The following CCR3 variants were observed in gnomAD, a reference collection of about 807,000 sequenced individuals.
CCR3 encodes the protein C-C chemokine receptor type 3.
For missense variants in CCR3, 419 were observed against 437.5 expected (o/e 0.96, Z 0.38); for synonymous variants, 203 against 179.2 (o/e 1.13, Z -1.06).
At chr3:46,240,128 A>G (rs1700064825), upstream of CCR3, among the ~76,000 whole-genome samples, 1 of 152,192 alleles carries the variant, frequency 6.6e-6, no homozygotes, top group South Asian at 2.1e-4. Flanking sequence ...AAAACTCCCC[A>G]GATAAAGTGA....
rs559750027 is a variant in CCR3 at position 46,248,454 on chromosome 3, A to G, written c.-12+5916A>G. 5.0e-4 allele frequency among the ~76,000 whole-genome samples: 76 copies of G among 152,338 alleles called. 1 individual carries two copies. The Middle Eastern group carries it at 0.017, about 34-fold the overall frequency. ...ATCAAGTTGTTTGGACAGAAAGGCT[A>G]CAGGGTGCAGTCCTGGCTCTTGTGT... On this transcript the variant is annotated intron_variant, in intron 1 of 1. Coordinates refer to ENST00000395940, the MANE Select transcript of CCR3 (RefSeq NM_178329.3).
At chr3:46,257,771 A>G (rs1473463628) in intron 1 of CCR3, among the ~76,000 whole-genome samples, 1 of 152,166 alleles carries the variant, frequency 6.6e-6, no homozygotes, top group Non-Finnish European at 1.5e-5. Context: ...GGCGGCTAAG[A>G]AGTCCCACAA....
At chr3:46,244,999 C>A (rs1700163999) in intron 1 of CCR3, among the ~76,000 whole-genome samples, 1 of 152,058 alleles carries the variant, frequency 6.6e-6, no homozygotes, top group Admixed American at 6.5e-5. Context: ...TCTTCATGAC[C>A]AACTCCTTCA....
chr3:46,214,624 T>A (rs758271424), intron 2 of CCR3, among the ~76,000 whole-genome samples: 28 of 152,226 alleles, frequency 1.8e-4, no homozygotes, highest in Admixed American at 3.9e-4. Context: ...GCCTTTTCTT[T>A]TTGCCAATTT....
chr3:46,228,645 T>C (rs1362250110), intron 2 of CCR3, among the ~76,000 whole-genome samples: 1 of 152,268 alleles, frequency 6.6e-6, no homozygotes, highest in Non-Finnish European at 1.5e-5. Context: ...TGGTTTGTTC[T>C]GCCCAATGTT....
In CCR3 at chr3:46,266,644, A is replaced by C. The variant is rs1225891689; in HGVS notation, c.*418A>C. On this transcript the variant is annotated 3_prime_UTR_variant, in exon 2 of 2. Transcript: ENST00000395940. ...AACTATTTTATTTTCTAATGTGCCT[A>C]GTTCTTTCCCTGCTTAATGAAAAGC... 5.8e-6 allele frequency: 1 copy of C among 173,232 alleles called. No individual in the cohort carries two copies. Among genetic ancestry groups the C allele is most frequent in the Admixed American group, 6.4e-5 (1 of 15,518 alleles). 10.7% of individuals were successfully genotyped at this position (173,232 alleles called of 1,614,324 possible). A position where few individuals can be genotyped will look rare whatever the true frequency, so the allele number is the denominator to read the frequency against.
rs773196723 is a variant in CCR3 at position 46,266,020 on chromosome 3, G to T, written c.862G>T (p.Val288Leu). 6.2e-7 allele frequency: 1 copy of T among 1,614,070 alleles called. No individual in the cohort carries two copies. Among genetic ancestry groups the T allele is most frequent in the Admixed American group, 1.7e-5 (1 of 60,020 alleles). ...GGACCTGGTCATGCTGGTGACAGAG[G>T]TGATCGCCTACTCCCACTGCTGCAT... Reference protein sequence around the residue: ...HLDLVMLVTEVIAYSHCCMNP... With the variant: ...HLDLVMLVTELIAYSHCCMNP... The change falls in exon 2 of 2, where the codon GTG (valine) becomes TTG (leucine). Residue 288 changes from valine (V) to leucine (L), a missense_variant. By Grantham distance (32) the Val-to-Leu change is conservative. Coordinates refer to ENST00000395940, the MANE Select transcript of CCR3 (RefSeq NM_178329.3).
intron 1 of CCR3, among the ~76,000 whole-genome samples, chr3:46,245,342 C>A (rs1257497893): frequency 6.7e-6 from 1 of 148,816 alleles, no homozygotes; most frequent in Non-Finnish European, 1.5e-5. Context: ...TATCTAGTAT[C>A]CTCCAAGGTC....
At chr3:46,245,243 C>T (rs554852610) in intron 1 of CCR3, among the ~76,000 whole-genome samples, 2 of 151,530 alleles carry the variant, frequency 1.3e-5, no homozygotes, top group Non-Finnish European at 2.9e-5. Flanking sequence ...TTGAGAGGCT[C>T]TTCTTGTGTA....
chr3:46,254,633 TCC>T (rs1351276891), intron 1 of CCR3, among the ~76,000 whole-genome samples: 1 of 105,824 alleles, frequency 9.4e-6, no homozygotes, highest in African/African-American at 2.7e-5. Context: ...TATCCCTCAC[TCC>T]CCTCCCATCC....
Position 46,265,721 on chromosome 3 carries a change from C to T in CCR3, c.563C>T (p.Pro188Leu), listed in dbSNP as rs777468621. ...FEETLCSALY[P>L]EDTVYSWRHF... ...GAGACTCTTTGCAGTGCTCTTTACC[C>T]AGAGGATACAGTATATAGCTGGAGG... Residue 188 changes from proline to leucine, a missense_variant, in exon 2 of 2, where the codon CCA becomes CTA. Transcript: ENST00000395940. 8 of 1,613,920 alleles carry T rather than the reference C, an allele frequency of 5.0e-6. No individual in the cohort carries two copies. The highest frequency in any genetic ancestry group is 6.8e-6 in the Non-Finnish European group (8 of 1,179,970).
intron 1 of CCR3, chr3:46,264,646 A>G (rs1700584341): frequency 5.6e-6 from 3 of 535,130 alleles, no homozygotes; most frequent in African/African-American, 2.0e-5. Flanking sequence ...ATGGCTCATC[A>G]TTATGGGGCC....
intron 2 of CCR3, among the ~76,000 whole-genome samples, chr3:46,224,229 C>T (rs1431566555): frequency 2.0e-5 from 3 of 152,118 alleles, no homozygotes; most frequent in South Asian, 4.1e-4. Context: ...TTTAATGAGA[C>T]GAACCAATGA....
At chr3:46,216,205 T>C (rs34531115) in intron 2 of CCR3, among the ~76,000 whole-genome samples, 10,457 of 152,292 alleles carry the variant, frequency 0.069, 592 homozygotes, top group South Asian at 0.27. Flanking sequence ...TTCACTGCAA[T>C]GTAAGGGACT....
chr3:46,233,388 G>A (rs752944701), intron 2 of CCR3, among the ~76,000 whole-genome samples: 9 of 152,222 alleles, frequency 5.9e-5, no homozygotes, highest in East Asian at 1.9e-4. Flanking sequence ...AATCGTTTCC[G>A]TTCACATGCT....
In CCR3 at chr3:46,217,463, AC is replaced by A. The variant is rs578185507; in HGVS notation, c.-68+6558del. Among the ~76,000 whole-genome samples the A allele has an allele frequency of 5.0e-3, 759 of 152,292 alleles. 2 individuals carry two copies. The highest frequency in any genetic ancestry group is 8.5e-3 in the Non-Finnish European group (579 of 68,000). On this transcript the variant is annotated intron_variant, in intron 2 of 3. Coordinates refer to the CCR3 transcript ENST00000357422. ...TTAAACTGTACCCTAGAACAAATGG[AC>A]CTTACAGATATTTACAGAACATTCT...
intron 2 of CCR3, among the ~76,000 whole-genome samples, chr3:46,229,944 C>CCT (rs1699942896): frequency 6.6e-6 from 1 of 152,046 alleles, no homozygotes; most frequent in Admixed American, 6.5e-5. Context: ...TTAGGGTAGC[C>CCT]CTTATCCCAT....
intron 2 of CCR3, among the ~76,000 whole-genome samples, chr3:46,221,482 C>G (rs1049657247): frequency 6.6e-6 from 1 of 152,212 alleles, no homozygotes; most frequent in Non-Finnish European, 1.5e-5. Context: ...AAGATGCACC[C>G]CTCACATGCC....
intron 1 of CCR3, among the ~76,000 whole-genome samples, chr3:46,255,132 T>A (rs935807245): frequency 2.6e-5 from 4 of 152,178 alleles, no homozygotes; most frequent in Admixed American, 1.3e-4. Flanking sequence ...GATTTGCATT[T>A]CCCTGATAAT....
Sources: allele counts gnomAD v4.1 joint callset (sites outside exome capture counted in the v4.1 genomes callset), GRCh38; gene constraint gnomAD v4.1.1; transcripts MANE v1.5; gene names NCBI Gene and HGNC (gene_info 2026-07-23, HGNC 2026-07-21).